Variants in LRP1B observed in about 807,000 individuals in gnomAD.
The protein encoded by LRP1B is low-density lipoprotein receptor-related protein 1B.
LRP1B carries 217 observed loss-of-function variants against 556.6 expected under a neutral mutation model. The ratio of observed to expected loss-of-function variants is 0.39; its 90% CI spans 0.35 to 0.44. The LOEUF (loss-of-function observed/expected upper bound fraction) is 0.44. Ranked by LOEUF, LRP1B falls within the 20% of genes least tolerant of loss-of-function variation. LRP1B has a pLI of 1.00. For missense variants in LRP1B, 5,053 were observed against 5,620.8 expected (o/e 0.90, Z 3.23); for synonymous variants, 2,047 against 1,865.8 (o/e 1.10, Z -2.50).
chr2:141,387,250 C>T (rs6750076), intron 3 of LRP1B, among the ~76,000 whole-genome samples: 7,355 of 151,740 alleles, frequency 0.048, 214 homozygotes, highest in South Asian at 0.081. Flanking sequence ...ATAAATACGC[C>T]ATATTTATAA....
chr2:141,561,366 G>A (rs190342550), intron 2 of LRP1B, among the ~76,000 whole-genome samples: 2 of 151,660 alleles, frequency 1.3e-5, no homozygotes, highest in Non-Finnish European at 1.5e-5. Context: ...AAAGGTCTGG[G>A]CCTATTTTAT....
chr2:140,983,226 G>A (rs921464882), intron 17 of LRP1B, among the ~76,000 whole-genome samples: 7 of 151,646 alleles, frequency 4.6e-5, no homozygotes, highest in Admixed American at 6.6e-5. Flanking sequence ...TATGAGTCTC[G>A]ATATCCCCTC....
At chr2:141,002,424 C>T (rs1255831929) in intron 15 of LRP1B, among the ~76,000 whole-genome samples, 2 of 151,940 alleles carry the variant, frequency 1.3e-5, no homozygotes, top group African/African-American at 4.8e-5. Flanking sequence ...ACAGTCATCC[C>T]TCGATATCCA....
At chr2:141,042,454 A>T (rs1316610021) in intron 11 of LRP1B, among the ~76,000 whole-genome samples, 1 of 152,106 alleles carries the variant, frequency 6.6e-6, no homozygotes, top group Non-Finnish European at 1.5e-5. Flanking sequence ...TCTTAGTAAT[A>T]AACTGTACTT....
intron 79 of LRP1B, among the ~76,000 whole-genome samples, chr2:140,332,263 A>T (rs1680852728): frequency 6.6e-6 from 1 of 152,024 alleles, no homozygotes; most frequent in South Asian, 2.1e-4. Flanking sequence ...CAATGACACA[A>T]TTCTTACCTT....
At chr2:140,631,470 C>A (rs2890530) in intron 41 of LRP1B, among the ~76,000 whole-genome samples, 6,660 of 152,164 alleles carry the variant, frequency 0.044, 178 homozygotes, top group Middle Eastern at 0.065. Flanking sequence ...GGAAACTATA[C>A]GAGTTAAAAG....
At chr2:140,601,777 T>C (rs1177628051) in intron 41 of LRP1B, 138 bp from the exon 42 acceptor site, 2 of 544,606 alleles carry the variant, frequency 3.7e-6, no homozygotes, top group African/African-American at 3.8e-5. Context: ...AAAATAAAAA[T>C]GCAGTCATTG....
intron 7 of LRP1B, among the ~76,000 whole-genome samples, chr2:141,087,881 C>A (rs954914575): frequency 1.4e-4 from 5 of 36,478 alleles, no homozygotes; most frequent in Non-Finnish European, 2.3e-4. Flanking sequence ...TTCACATATG[C>A]CTCATTTGTT....
chr2:141,162,412 T>C (rs1270542682), intron 7 of LRP1B, among the ~76,000 whole-genome samples: 1 of 152,008 alleles, frequency 6.6e-6, no homozygotes, highest in Non-Finnish European at 1.5e-5. Flanking sequence ...GGAGTCTTCC[T>C]CCAGAATGCA....
intron 27 of LRP1B, among the ~76,000 whole-genome samples, chr2:140,858,961 C>T (rs1692702967): frequency 1.3e-5 from 2 of 152,134 alleles, no homozygotes; most frequent in Admixed American, 6.5e-5. Flanking sequence ...ATATGTACCA[C>T]ATTATCTTTA....
intron 2 of LRP1B, among the ~76,000 whole-genome samples, chr2:141,786,313 T>C (rs1008405201): frequency 2.6e-5 from 4 of 151,982 alleles, no homozygotes; most frequent in African/African-American, 9.7e-5. Context: ...ACTGTGTCTT[T>C]GTGCTTCTGC....
intron 85 of LRP1B, 91 bp downstream of exon 85, chr2:140,274,333 A>G (rs2104951303): frequency 8.5e-7 from 1 of 1,171,558 alleles, no homozygotes. Flanking sequence ...TAGAATAAAA[A>G]CAATCTACAA....
At chr2:141,277,417 T>G (rs1399608797) in intron 3 of LRP1B, among the ~76,000 whole-genome samples, 1 of 152,236 alleles carries the variant, frequency 6.6e-6, no homozygotes, top group Non-Finnish European at 1.5e-5. Flanking sequence ...TTCATATGTT[T>G]GTTGGCCACG....
intron 2 of LRP1B, among the ~76,000 whole-genome samples, chr2:141,493,650 G>A (rs952594938): frequency 3.9e-5 from 6 of 152,112 alleles, no homozygotes; most frequent in East Asian, 1.9e-4. Context: ...GTAGCCTCTC[G>A]CTCTGCCCAC....
chr2:141,284,952 CA>C (rs1300432208), intron 3 of LRP1B, among the ~76,000 whole-genome samples: 3 of 151,922 alleles, frequency 2.0e-5, no homozygotes, highest in African/African-American at 4.8e-5. Context: ...TTTGCATTTC[CA>C]AAAAAATTTA....
chr2:140,937,613 G>A (rs1042703998), intron 20 of LRP1B, among the ~76,000 whole-genome samples: 6 of 152,032 alleles, frequency 3.9e-5, no homozygotes, highest in Admixed American at 6.6e-5. Context: ...TGTGCTATGA[G>A]TATTTTAGAA....
Position 140,913,976 on chromosome 2 carries a change from T to C in LRP1B, c.3320-5899A>G, listed in dbSNP as rs551123737. 3.3e-5 allele frequency among the ~76,000 whole-genome samples: 5 copies of C among 152,214 alleles called. No individual in the cohort carries two copies. The South Asian group carries it at 1.0e-3, about 32-fold the overall frequency. On this transcript the variant is annotated intron_variant, in intron 21 of 90. Transcript: ENST00000389484. Reference sequence around the variant, plus strand: ...TAAAAGCAGGAAAGAATGGGACCTGTTCAAAAAGCAATAATGAAGCAGTTT... The same window carrying C: ...TAAAAGCAGGAAAGAATGGGACCTGCTCAAAAAGCAATAATGAAGCAGTTT...
chr2:141,380,868 G>T (rs1240092321), intron 3 of LRP1B, among the ~76,000 whole-genome samples: 1 of 152,090 alleles, frequency 6.6e-6, no homozygotes, highest in Non-Finnish European at 1.5e-5. Flanking sequence ...GATTGCAGAT[G>T]GTGGTTAGGA....
intron 7 of LRP1B, among the ~76,000 whole-genome samples, chr2:141,179,488 G>C (rs1318908249): frequency 6.6e-6 from 1 of 151,904 alleles, no homozygotes; most frequent in African/African-American, 2.4e-5. Context: ...AAATAGTTTT[G>C]TTTTTACCAA....
Sources: gnomAD v4.1 joint callset for allele counts (sites outside exome capture counted in the v4.1 genomes callset) on GRCh38, gnomAD v4.1.1 for gene constraint, MANE v1.5 for transcripts, NCBI Gene and HGNC (gene_info 2026-07-23, HGNC 2026-07-21) for gene names.